The following LHX9 variants were observed in gnomAD, a reference collection of about 807,000 sequenced individuals.
LHX9 encodes the protein LIM homeobox 9.
In LHX9, 9 loss-of-function variants were observed where a neutral mutation model predicts 36.5. That is an observed-to-expected ratio of 0.25 (90% CI 0.15 to 0.43). LHX9 has a LOEUF of 0.43. LHX9 is among the 20% of genes least tolerant of loss of function. The probability of loss-of-function intolerance (pLI) is 1.00; values close to 1 mark genes in which losing one functional copy is unlikely to be tolerated. For synonymous variants in LHX9, 211 were observed against 212.1 expected, an observed-to-expected ratio of 0.99 and a Z score of 0.04; for missense variants, 464 against 526.4, an observed-to-expected ratio of 0.88 and a Z score of 1.16.
At position 197,932,503 on chromosome 1, in the gene LHX9, T is replaced by C. The variant is rs573396174; in HGVS notation, c.*3244T>C. The C allele has an allele frequency of 6.6e-6, 1 of 152,456 alleles. No individual in the cohort carries two copies. The highest frequency in any genetic ancestry group is 6.5e-5 in the Admixed American group (1 of 15,350). 9.4% of individuals were successfully genotyped at this position (152,456 alleles called of 1,614,324 possible). A position where few individuals can be genotyped will look rare whatever the true frequency, so the allele number is the denominator to read the frequency against. ...CATGCACTTTTACATATGTCACCTC[T>C]AGTGTACACCTCTGTATGATGACTT... On this transcript the variant is annotated 3_prime_UTR_variant, in exon 5 of 5. Coordinates refer to ENST00000367387, the MANE Select transcript of LHX9 (RefSeq NM_020204.3).
At chr1:197,916,570 G>A (rs983588477), upstream of LHX9, 2 of 667,762 alleles carry the variant, frequency 3.0e-6, no homozygotes, top group Admixed American at 2.2e-5. Flanking sequence ...AGAATAAGCC[G>A]CCCTATGGCC....
At chr1:197,912,691 T>G (rs1164213179), upstream of LHX9, 12 of 959,346 alleles carry the variant, frequency 1.3e-5, no homozygotes, top group Non-Finnish European at 1.9e-5. Flanking sequence ...GTCTTAAAAA[T>G]TAAACCGCGC....
At chr1:197,923,734 C>A (rs192731909) in intron 3 of LHX9, among the ~76,000 whole-genome samples, 11 of 152,226 alleles carry the variant, frequency 7.2e-5, no homozygotes, top group Non-Finnish European at 1.0e-4. Context: ...AATTTAGATT[C>A]TTTTACTTCT....
Position 197,929,498 on chromosome 1 carries a change from A to G in LHX9, c.*239A>G. 1 of 996,662 alleles carries G rather than the reference A, an allele frequency of 1.0e-6. No homozygotes were observed. The highest frequency in any genetic ancestry group is 1.7e-5 in the African/African-American group (1 of 58,308). The allele number at this position is 996,662 out of a possible 1,614,324, so 61.7% of individuals were successfully genotyped here. A position where few individuals can be genotyped will look rare whatever the true frequency, so the allele number is the denominator to read the frequency against. On this transcript the variant is annotated 3_prime_UTR_variant, in exon 5 of 5. Coordinates refer to ENST00000367387, the MANE Select transcript of LHX9 (RefSeq NM_020204.3). ...AGTGTATTTGGATTTAAAAAAATTAATTAGGTCTTTCAGTTGGTAAGGAGA... is the reference window on the plus strand; with the variant it reads ...AGTGTATTTGGATTTAAAAAAATTAGTTAGGTCTTTCAGTTGGTAAGGAGA...
At chr1:197,924,950 G>T (rs549846018) in intron 3 of LHX9, among the ~76,000 whole-genome samples, 1 of 44,300 alleles carries the variant, frequency 2.3e-5, no homozygotes, top group Non-Finnish European at 4.1e-5. Flanking sequence ...ATAGGCCTTG[G>T]AGAAACAGTC....
chr1:197,914,598 A>G (rs994503156), upstream of LHX9, among the ~76,000 whole-genome samples: 9 of 152,140 alleles, frequency 5.9e-5, no homozygotes, highest in Non-Finnish European at 1.2e-4. Flanking sequence ...CACACACCCA[A>G]TTCGAGGGCA....
upstream of LHX9, chr1:197,912,504 G>C (rs750352487): frequency 5.0e-6 from 8 of 1,613,950 alleles, no homozygotes; most frequent in Non-Finnish European, 5.9e-6. Context: ...CCACCATTAC[G>C]GCGTGATCCA....
chr1:197,918,553 A>G (rs1659853986), intron 1 of LHX9: 1 of 604,088 alleles, frequency 1.7e-6, no homozygotes, highest in Non-Finnish European at 3.0e-6. Flanking sequence ...ATCCCGACTC[A>G]GTCCCTCTAA....
upstream of LHX9, chr1:197,916,443 T>C (rs1047925707): frequency 3.6e-6 from 2 of 559,458 alleles, no homozygotes; most frequent in Admixed American, 3.1e-5. Flanking sequence ...TAGCGCCCAG[T>C]CCTGCGGGGG....
At chr1:197,920,210 A>C (rs1557972797) in intron 2 of LHX9, 36 bp downstream of exon 2, 2 of 1,596,972 alleles carry the variant, frequency 1.3e-6, no homozygotes, top group African/African-American at 2.7e-5. Context: ...ACGCCCGAGT[A>C]CACCTGGAGG....
rs574527013 is a variant in LHX9 at position 197,927,537 on chromosome 1, A to G, written c.734-54A>G. 6.8e-6 allele frequency: 10 copies of G among 1,464,500 alleles called. No individual in the cohort carries two copies. The South Asian group carries it at 1.1e-4, about 17-fold the overall frequency. The allele number at this position is 1,464,500 out of a possible 1,614,324, so 90.7% of individuals were successfully genotyped here. A position where few individuals can be genotyped will look rare whatever the true frequency, so the allele number is the denominator to read the frequency against. On this transcript the variant is annotated intron_variant, in intron 3 of 4. Transcript: ENST00000367387. ...GTGTCATACAGCCTGCCATCATGTC[A>G]GCTAATGCAAGAATTTCCACTGAGC...
upstream of LHX9, among the ~76,000 whole-genome samples, chr1:197,915,562 A>G (rs1262469470): frequency 6.6e-6 from 1 of 152,216 alleles, no homozygotes; most frequent in Non-Finnish European, 1.5e-5. Flanking sequence ...GGATGTCTCC[A>G]GCTTAGTTCA....
intron 3 of LHX9, 70 bp from the exon 4 acceptor site, chr1:197,927,521 A>T: frequency 7.7e-7 from 1 of 1,305,162 alleles, no homozygotes. Flanking sequence ...AGTGTCATAC[A>T]GCCTGCCATC....
chr1:197,922,004 T>C (rs1033634639), intron 3 of LHX9, among the ~76,000 whole-genome samples: 1 of 152,096 alleles, frequency 6.6e-6, no homozygotes, highest in Non-Finnish European at 1.5e-5. Flanking sequence ...GGCAATTTCT[T>C]TGTGGAGGCC....
intron 3 of LHX9, among the ~76,000 whole-genome samples, chr1:197,926,854 G>GA (rs1210451649): frequency 2.0e-5 from 3 of 152,128 alleles, no homozygotes; most frequent in Admixed American, 2.0e-4. Context: ...CACTCCAGGG[G>GA]AAAAATATTT....
chr1:197,916,742 C>T (rs568803940), upstream of LHX9: 8 of 702,922 alleles, frequency 1.1e-5, no homozygotes, highest in Non-Finnish European at 1.8e-5. Flanking sequence ...GGTCTCCGGC[C>T]CTCAAGAAGG....
chr1:197,916,458 C>T (rs1001668144), upstream of LHX9: 2 of 565,664 alleles, frequency 3.5e-6, no homozygotes, highest in African/African-American at 3.8e-5. Context: ...CGGGGGCAGG[C>T]GCCAAGCTCC....
At chr1:197,919,644 T>A (rs188739537) in intron 1 of LHX9, among the ~76,000 whole-genome samples, 224 of 152,324 alleles carry the variant, frequency 1.5e-3, no homozygotes, top group African/African-American at 4.9e-3. Context: ...ATTTTTAGCT[T>A]GTAATTATTT....
At chr1:197,916,808 T>C (rs1659773596), upstream of LHX9, 2 of 702,484 alleles carry the variant, frequency 2.8e-6, no homozygotes, top group Non-Finnish European at 5.2e-6. Context: ...TTGAGGAAGA[T>C]GGGATGGGGA....
Sources: allele counts gnomAD v4.1 joint callset (sites outside exome capture counted in the v4.1 genomes callset), GRCh38; gene constraint gnomAD v4.1.1; transcripts MANE v1.5; gene names NCBI Gene and HGNC (gene_info 2026-07-23, HGNC 2026-07-21).